The following TMEM65 variants were observed in gnomAD, a reference collection of about 807,000 sequenced individuals.
The protein encoded by TMEM65 is transmembrane protein 65.
TMEM65 carries 22 observed loss-of-function variants against 25.4 expected under a neutral mutation model. The observed-to-expected ratio is 0.86, with a 90% CI of 0.62 to 1.23. The LOEUF is 1.23. TMEM65 is among the 50% of genes most tolerant of loss of function. The pLI is 0.00. For missense variants in TMEM65, 262 were observed against 308.2 expected (o/e 0.85, Z 1.12); for synonymous variants, 132 against 126.2 (o/e 1.05, Z -0.31).
At chr8:124,358,299 T>A (rs1376543578) in intron 1 of TMEM65, among the ~76,000 whole-genome samples, 2 of 152,202 alleles carry the variant, frequency 1.3e-5, no homozygotes, top group Non-Finnish European at 1.5e-5. Context: ...ACACAACAAG[T>A]ATTCAATAAT....
At chr8:124,359,937 C>A (rs1369668794) in intron 1 of TMEM65, among the ~76,000 whole-genome samples, 3 of 152,102 alleles carry the variant, frequency 2.0e-5, no homozygotes, top group Non-Finnish European at 4.4e-5. Context: ...TCAGAGCTAT[C>A]ATATTGAGTC....
At chr8:124,336,351 T>A (rs571002739) in intron 1 of TMEM65, among the ~76,000 whole-genome samples, 2 of 152,118 alleles carry the variant, frequency 1.3e-5, no homozygotes, top group South Asian at 2.1e-4. Context: ...CACTACCAAC[T>A]ATGTTGATCT....
At chr8:124,326,028 T>C (rs1050393339) in intron 3 of TMEM65, among the ~76,000 whole-genome samples, 2 of 152,040 alleles carry the variant, frequency 1.3e-5, no homozygotes, top group African/African-American at 4.8e-5. Context: ...CCTAAGGTCA[T>C]TCCACTTTTT....
At chr8:124,352,303 TATA>T (rs1814720097) in intron 1 of TMEM65, among the ~76,000 whole-genome samples, 1 of 152,104 alleles carries the variant, frequency 6.6e-6, no homozygotes, top group South Asian at 2.1e-4. Context: ...AGGGATTGCC[TATA>T]ATAATGAAAA....
At chr8:124,348,104 T>C (rs942155070) in intron 1 of TMEM65, among the ~76,000 whole-genome samples, 2 of 152,146 alleles carry the variant, frequency 1.3e-5, no homozygotes, top group African/African-American at 2.4e-5. Context: ...TGCGCCGCCA[T>C]ACCTGGCTAA....
chr8:124,315,794 C>T (rs765534369), intron 6 of TMEM65, among the ~76,000 whole-genome samples: 6 of 152,110 alleles, frequency 3.9e-5, no homozygotes, highest in African/African-American at 1.4e-4. Flanking sequence ...TATGCCAAAA[C>T]TTTAAAAGGT....
At position 124,346,258 on chromosome 8, in the gene TMEM65, T is replaced by C. The variant is rs145056867; in HGVS notation, c.305-15466A>G. Among the ~76,000 whole-genome samples, 380 of 152,320 alleles carry C rather than the reference T, an allele frequency of 2.5e-3. 1 individual carries two copies. The highest frequency in any genetic ancestry group is 7.9e-3 in the African/African-American group (327 of 41,562). ...AACACCATAGGGGAAACCACCCCCATGATCCAATCACTTCCTACCAGGTCC... is the reference window on the plus strand; with the variant it reads ...AACACCATAGGGGAAACCACCCCCACGATCCAATCACTTCCTACCAGGTCC... On this transcript the variant is annotated intron_variant, in intron 1 of 6. Coordinates refer to ENST00000297632, the MANE Select transcript of TMEM65 (RefSeq NM_194291.3).
chr8:124,371,816 CG>C, intron 1 of TMEM65, 37 bp downstream of exon 1: 3 of 1,487,410 alleles, frequency 2.0e-6, no homozygotes, highest in South Asian at 1.2e-5. Flanking sequence ...AGGAGGGCGT[CG>C]GGGCCCCCGG....
At chr8:124,357,058 CTT>C (rs58523592) in intron 1 of TMEM65, among the ~76,000 whole-genome samples, 132,275 of 148,060 alleles carry the variant, frequency 0.89, 59,134 homozygotes, top group East Asian at 0.99. Context: ...TCTAGGATAT[CTT>C]TTTTTTTTTT....
intron 1 of TMEM65, among the ~76,000 whole-genome samples, chr8:124,360,884 G>A (rs1814850127): frequency 2.6e-5 from 4 of 152,166 alleles, no homozygotes; most frequent in Admixed American, 2.6e-4. Flanking sequence ...GTGTGTCTAT[G>A]TGTTAATATT....
At chr8:124,349,813 T>C (rs1047344440) in intron 1 of TMEM65, among the ~76,000 whole-genome samples, 2 of 152,128 alleles carry the variant, frequency 1.3e-5, no homozygotes, top group Non-Finnish European at 2.9e-5. Flanking sequence ...TACTATCAGT[T>C]ATCATTCAGC....
chr8:124,306,997 T>A lies in TMEM65; in HGVS notation c.*6963A>T, dbSNP rs1374588310. On this transcript the variant is annotated 3_prime_UTR_variant, in exon 7 of 7. Coordinates refer to ENST00000297632, the MANE Select transcript of TMEM65 (RefSeq NM_194291.3). Reference sequence around the variant, plus strand: ...ATCAAAACTTAACGCATACACAGACTATACATTGGAGCCATTTGCAGTTGA... The same window carrying A: ...ATCAAAACTTAACGCATACACAGACAATACATTGGAGCCATTTGCAGTTGA... 1.3e-5 allele frequency: 2 copies of A among 152,000 alleles called. No homozygotes were observed. The highest frequency in any genetic ancestry group is 2.9e-5 in the Non-Finnish European group (2 of 68,024). 9.4% of individuals were successfully genotyped at this position (152,000 alleles called of 1,614,324 possible). A position where few individuals can be genotyped will look rare whatever the true frequency, so the allele number is the denominator to read the frequency against.
At chr8:124,335,980 A>G (rs190989871) in intron 1 of TMEM65, among the ~76,000 whole-genome samples, 1 of 152,208 alleles carries the variant, frequency 6.6e-6, no homozygotes, top group Admixed American at 6.5e-5. Context: ...ACTATATGAT[A>G]TCCCAAGGAT....
At chr8:124,319,759 A>G (rs1050584767) in intron 6 of TMEM65, among the ~76,000 whole-genome samples, 1 of 152,074 alleles carries the variant, frequency 6.6e-6, no homozygotes, top group Non-Finnish European at 1.5e-5. Context: ...TAATTTGTTT[A>G]TATGTTTGGT....
At chr8:124,361,852 AAT>A (rs1416922581) in intron 1 of TMEM65, among the ~76,000 whole-genome samples, 2 of 152,106 alleles carry the variant, frequency 1.3e-5, no homozygotes, top group Non-Finnish European at 2.9e-5. Flanking sequence ...ATAAAAAATA[AAT>A]AAATAATTTT....
chr8:124,352,357 G>A (rs1212687122), intron 1 of TMEM65, among the ~76,000 whole-genome samples: 1 of 151,720 alleles, frequency 6.6e-6, no homozygotes, highest in East Asian at 1.9e-4. Context: ...GAGAAATAGG[G>A]CATTAAAATT....
chr8:124,322,877 T>A (rs1008336580), intron 4 of TMEM65, among the ~76,000 whole-genome samples: 1 of 151,838 alleles, frequency 6.6e-6, no homozygotes. Context: ...GCGCCAGTAG[T>A]CCCAGCTACT....
At chr8:124,351,502 G>A (rs1315725103) in intron 1 of TMEM65, among the ~76,000 whole-genome samples, 1 of 152,134 alleles carries the variant, frequency 6.6e-6, no homozygotes, top group African/African-American at 2.4e-5. Flanking sequence ...TCAGAAGCAG[G>A]TTTAACAGTG....
chr8:124,350,878 C>A (rs1351695586), intron 1 of TMEM65: 4 of 445,542 alleles, frequency 9.0e-6, no homozygotes, highest in Admixed American at 6.4e-5. Context: ...AAATTTAATC[C>A]TTCAGTTAGT....
Sources: allele counts gnomAD v4.1 joint callset (sites outside exome capture counted in the v4.1 genomes callset), GRCh38; gene constraint gnomAD v4.1.1; transcripts MANE v1.5; gene names NCBI Gene and HGNC (gene_info 2026-07-23, HGNC 2026-07-21).